The following STK17B variants were observed in gnomAD, a reference collection of about 807,000 sequenced individuals.
STK17B encodes serine/threonine kinase 17b.
Under a neutral mutation model 42.0 loss-of-function variants are expected in STK17B, and 21 were observed. That is an observed-to-expected ratio of 0.50 (90% CI 0.35 to 0.72). The LOEUF (loss-of-function observed/expected upper bound fraction) is 0.72. Ranked by LOEUF, STK17B falls within the 30% of genes least tolerant of loss-of-function variation. The probability of loss-of-function intolerance (pLI) is 0.00; values close to 1 mark genes in which losing one functional copy is unlikely to be tolerated. For synonymous variants in STK17B, 143 were observed against 148.4 expected (o/e 0.96, Z 0.26); for missense variants, 349 against 446.0 (o/e 0.78, Z 1.96).
At chr2:196,154,187 T>C (rs1699706985) in intron 3 of STK17B, 1 of 152,070 alleles carries the variant, frequency 6.6e-6, no homozygotes. Flanking sequence ...TAAGCTGAGA[T>C]CGCGCCACTG....
rs1335188050 is a variant in STK17B, at chr2:196,137,614, C to T, written c.952G>A (p.Val318Ile). ...GAAGTCTTGTCTTCAGAGGACCTTA[C>T]AGAATGATCCTGAGTTTGAGAGGAA... ...SSSSQTQDHS[V>I]RSSEDKTSKS... Residue 318 changes from valine (V) to isoleucine (I), a missense_variant, in exon 8 of 8, where the codon GTA (valine) becomes ATA (isoleucine). By Grantham distance (29) the Val-to-Ile change is conservative. Transcript: ENST00000263955. 2 of 1,614,092 alleles carry T rather than the reference C, an allele frequency of 1.2e-6. No homozygotes were observed. The highest frequency in any genetic ancestry group is 1.1e-5 in the South Asian group (1 of 91,076).
At chr2:196,147,204 CA>C (rs1699588846) in intron 3 of STK17B, among the ~76,000 whole-genome samples, 1 of 152,064 alleles carries the variant, frequency 6.6e-6, no homozygotes, top group South Asian at 2.1e-4. Context: ...TGGGAATACA[CA>C]AGTATATTCT....
intron 3 of STK17B, among the ~76,000 whole-genome samples, chr2:196,150,068 A>G (rs1699642226): frequency 6.6e-6 from 1 of 152,054 alleles, no homozygotes; most frequent in African/African-American, 2.4e-5. Flanking sequence ...TGATAACACA[A>G]GCAGCAAATT....
At chr2:196,149,177 T>C (rs1408714423) in intron 3 of STK17B, among the ~76,000 whole-genome samples, 3 of 151,996 alleles carry the variant, frequency 2.0e-5, no homozygotes, top group Non-Finnish European at 4.4e-5. Context: ...TTTTTTTTTT[T>C]TCCTGAGACT....
intron 1 of STK17B, chr2:196,166,371 C>A (rs1191031757): frequency 6.6e-6 from 1 of 152,220 alleles, no homozygotes; most frequent in Non-Finnish European, 1.5e-5. Flanking sequence ...TTAACTCCAA[C>A]AATTCCCAGG....
chr2:196,139,268 A>C (rs2105674115), intron 7 of STK17B, among the ~76,000 whole-genome samples: 1 of 152,290 alleles, frequency 6.6e-6, no homozygotes, highest in East Asian at 1.9e-4. Context: ...CCGGCCGTAA[A>C]ATCATTAAAC....
intron 5 of STK17B, among the ~76,000 whole-genome samples, chr2:196,142,545 A>T (rs2889145): frequency 0.48 from 73,386 of 152,114 alleles, 20,338 homozygotes; most frequent in South Asian, 0.63. Context: ...TTATGAGTGA[A>T]AAATAAGTTT....
At chr2:196,140,113 T>C (rs547653310) in intron 6 of STK17B, among the ~76,000 whole-genome samples, 1 of 152,290 alleles carries the variant, frequency 6.6e-6, no homozygotes, top group African/African-American at 2.4e-5. Flanking sequence ...TCCTAAGTGG[T>C]TTCCAATGGC....
At chr2:196,155,943 T>G (rs1304801107) in intron 3 of STK17B, 1 of 154,270 alleles carries the variant, frequency 6.5e-6, no homozygotes, top group Non-Finnish European at 1.4e-5. Context: ...AATGTATTTC[T>G]TTAACAAACA....
chr2:196,138,569 T>TG lies in STK17B; in HGVS notation c.837-841dup, dbSNP rs776207553. Among the ~76,000 whole-genome samples, 7 of 148,790 alleles carry TG rather than the reference T, an allele frequency of 4.7e-5. No individual in the cohort carries two copies. In the South Asian group the frequency reaches 1.0e-3, roughly 22 times the overall value. On this transcript the variant is annotated intron_variant, in intron 7 of 7. Coordinates refer to ENST00000263955, the MANE Select transcript of STK17B (RefSeq NM_004226.4). Reference sequence around the variant, plus strand: ...GCTTAACTAACCTCCAAATCACTTTTGGTTTTTTTTTGGTTTTTTTTTTTG... The same window carrying TG: ...GCTTAACTAACCTCCAAATCACTTTTGGGTTTTTTTTTGGTTTTTTTTTTTG...
upstream of STK17B, among the ~76,000 whole-genome samples, chr2:196,174,637 G>A (rs1026139335): frequency 6.6e-6 from 1 of 152,176 alleles, no homozygotes; most frequent in Non-Finnish European, 1.5e-5. Flanking sequence ...CACCCAACAG[G>A]GGTGCTCACT....
intron 5 of STK17B, among the ~76,000 whole-genome samples, chr2:196,143,309 C>G (rs1212114983): frequency 6.6e-6 from 1 of 152,132 alleles, no homozygotes; most frequent in African/African-American, 2.4e-5. Context: ...ATGTACAAAT[C>G]CTTTATACAC....
rs1699491643 is a variant in STK17B at position 196,141,384 on chromosome 2, G to T, written c.608-87C>A. The T allele has an allele frequency of 4.6e-6, 5 of 1,082,392 alleles. No homozygotes were observed. The South Asian group carries it at 5.4e-5, about 12-fold the overall frequency. The allele number at this position is 1,082,392 out of a possible 1,614,324, so 67.0% of individuals were successfully genotyped here. ...TATATTACGTTATAACTGGGACTGG[G>T]CATGATGGCTCATGCCTGTAATCTC... On this transcript the variant is annotated intron_variant, in intron 5 of 7. Transcript: ENST00000263955.
intron 3 of STK17B, among the ~76,000 whole-genome samples, chr2:196,149,429 G>A (rs1410983778): frequency 1.3e-5 from 2 of 152,116 alleles, no homozygotes; most frequent in Non-Finnish European, 2.9e-5. Context: ...CTCCCAAAGT[G>A]CTGTGATTAC....
chr2:196,139,027 C>T (rs992345858), intron 7 of STK17B, among the ~76,000 whole-genome samples: 6 of 151,880 alleles, frequency 4.0e-5, no homozygotes, highest in Non-Finnish European at 7.4e-5. Context: ...AGTGCAGTGG[C>T]GCGATCTCTG....
At chr2:196,145,711 C>G (rs1443397978) in intron 4 of STK17B, among the ~76,000 whole-genome samples, 200 bp downstream of exon 4, 2 of 152,132 alleles carry the variant, frequency 1.3e-5, no homozygotes, top group Non-Finnish European at 2.9e-5. Context: ...GTAATTTGAG[C>G]TGCTTACACA....
At position 196,133,999 on chromosome 2, in the gene STK17B, A is replaced by T. The variant is rs778655784; in HGVS notation, c.*3448T>A. On this transcript the variant is annotated 3_prime_UTR_variant, in exon 8 of 8. Coordinates refer to ENST00000263955, the MANE Select transcript of STK17B (RefSeq NM_004226.4). Reference sequence around the variant, plus strand: ...CAACAATGAATAAGGACAAGATATCAAACTGAAAATTCAAAAATAAACAGA... The same window carrying T: ...CAACAATGAATAAGGACAAGATATCTAACTGAAAATTCAAAAATAAACAGA... 35 of 152,368 alleles carry T rather than the reference A, an allele frequency of 2.3e-4. 1 individual carries two copies. The highest frequency in any genetic ancestry group is 3.8e-4 in the Non-Finnish European group (26 of 68,030). 9.4% of individuals were successfully genotyped at this position (152,368 alleles called of 1,614,324 possible). A position where few individuals can be genotyped will look rare whatever the true frequency, so the allele number is the denominator to read the frequency against.
chr2:196,167,869 C>T (rs145285917), intron 1 of STK17B, among the ~76,000 whole-genome samples: 58 of 152,316 alleles, frequency 3.8e-4, no homozygotes, highest in African/African-American at 1.4e-3. Flanking sequence ...AGGGAAGCAA[C>T]TCCTTTCTAC....
chr2:196,170,571 C>T (rs938371336), intron 1 of STK17B, among the ~76,000 whole-genome samples: 15 of 152,234 alleles, frequency 9.9e-5, no homozygotes, highest in Admixed American at 6.5e-4. Context: ...TTTGTCTCTA[C>T]TTCTCCCTCG....
Sources: allele counts gnomAD v4.1 joint callset (sites outside exome capture counted in the v4.1 genomes callset), GRCh38; gene constraint gnomAD v4.1.1; transcripts MANE v1.5; gene names NCBI Gene and HGNC (gene_info 2026-07-23, HGNC 2026-07-21).